The following SUMF1 variants were observed in gnomAD, a reference collection of about 807,000 sequenced individuals.
SUMF1 encodes formylglycine-generating enzyme.
In SUMF1, 48 loss-of-function variants were observed where a neutral mutation model predicts 47.6. The observed-to-expected ratio is 1.01, with a 90% CI of 0.80 to 1.28. The LOEUF (loss-of-function observed/expected upper bound fraction) is 1.28, where lower values mean the gene tolerates loss of function less well. Among genes scored for constraint, SUMF1 ranks in the 50% most tolerant of loss-of-function variants. The pLI, the probability that SUMF1 is intolerant of heterozygous loss-of-function variation, is 0.00. For synonymous variants in SUMF1, 230 were observed against 192.1 expected (o/e 1.20, Z -1.63); for missense variants, 571 against 485.4 (o/e 1.18, Z -1.66).
chr3:4,109,464 G>T (rs1200330047), intron 8 of SUMF1, among the ~76,000 whole-genome samples: 1 of 152,102 alleles, frequency 6.6e-6, no homozygotes, highest in Non-Finnish European at 1.5e-5. Flanking sequence ...GAATTTGAAT[G>T]TTGGTCTGCC....
At chr3:4,148,997 T>C (rs781721753) in intron 8 of SUMF1, among the ~76,000 whole-genome samples, 1 of 140,232 alleles carries the variant, frequency 7.1e-6, no homozygotes, top group Non-Finnish European at 1.6e-5. Flanking sequence ...TTAGTTGAAT[T>C]TATGCCCTGG....
chr3:4,169,524 C>T (rs971379706), intron 8 of SUMF1, among the ~76,000 whole-genome samples: 1 of 152,164 alleles, frequency 6.6e-6, no homozygotes, highest in Admixed American at 6.5e-5. Flanking sequence ...AAAGGATCCA[C>T]TAGAGCCTTT....
chr3:4,111,794 G>A (rs906544750), intron 8 of SUMF1, among the ~76,000 whole-genome samples: 3 of 152,094 alleles, frequency 2.0e-5, no homozygotes, highest in Non-Finnish European at 4.4e-5. Context: ...TTACGTGTAT[G>A]TATACCAAGT....
chr3:4,113,251 G>A (rs1693350849), intron 8 of SUMF1, among the ~76,000 whole-genome samples: 1 of 152,018 alleles, frequency 6.6e-6, no homozygotes, highest in East Asian at 1.9e-4. Flanking sequence ...ATTACAACCT[G>A]GGCATAGTAG....
chr3:4,087,513 CT>C (rs1692697369), intron 8 of SUMF1, among the ~76,000 whole-genome samples: 1 of 152,064 alleles, frequency 6.6e-6, no homozygotes, highest in South Asian at 2.1e-4. Context: ...AGTTCTCAAA[CT>C]TTTTGGTCTG....
At chr3:4,176,367 G>C (rs1165027193) in intron 8 of SUMF1, among the ~76,000 whole-genome samples, 1 of 152,176 alleles carries the variant, frequency 6.6e-6, no homozygotes, top group African/African-American at 2.4e-5. Flanking sequence ...AGCTAGAAGA[G>C]AGTGGGGGCC....
At chr3:4,191,171 G>C (rs574880051) in intron 8 of SUMF1, among the ~76,000 whole-genome samples, 18 of 152,262 alleles carry the variant, frequency 1.2e-4, no homozygotes, top group African/African-American at 4.3e-4. Flanking sequence ...AACTCATCTT[G>C]AGGCTGCCTT....
intron 6 of SUMF1, among the ~76,000 whole-genome samples, chr3:4,413,958 G>A (rs1202422788): frequency 1.3e-5 from 2 of 152,050 alleles, no homozygotes; most frequent in African/African-American, 4.8e-5. Context: ...CTGCCTCCTG[G>A]GTTCAAGCAA....
chr3:4,124,518 T>A (rs145718274), intron 8 of SUMF1, among the ~76,000 whole-genome samples: 48 of 152,086 alleles, frequency 3.2e-4, no homozygotes, highest in African/African-American at 1.0e-3. Flanking sequence ...CAGCAGCAGA[T>A]CACCTCTTTA....
At chr3:4,146,165 GT>G (rs2125101028) in intron 8 of SUMF1, among the ~76,000 whole-genome samples, 1 of 152,224 alleles carries the variant, frequency 6.6e-6, no homozygotes, top group East Asian at 1.9e-4. Context: ...TCGCACGTGT[GT>G]TCTGGGAGGA....
At chr3:4,440,263 A>AAAAAAAAAC (rs745740071) in intron 3 of SUMF1, among the ~76,000 whole-genome samples, 1 of 132,150 alleles carries the variant, frequency 7.6e-6, no homozygotes, top group Non-Finnish European at 1.6e-5. Flanking sequence ...AAAAAAAAAA[A>AAAAAAAAAC]AGATACTGAG....
chr3:4,067,084 G>A (rs1695396380), intron 9 of SUMF1, among the ~76,000 whole-genome samples: 1 of 152,100 alleles, frequency 6.6e-6, no homozygotes, highest in African/African-American at 2.4e-5. Flanking sequence ...TCTATACAAT[G>A]GTCCAGCTAC....
intron 3 of SUMF1, among the ~76,000 whole-genome samples, chr3:4,440,844 G>C (rs6776265): frequency 0.021 from 3,123 of 152,266 alleles, 110 homozygotes; most frequent in African/African-American, 0.072. Context: ...TGTTCCTCAA[G>C]CTCCCACCAA....
rs575407042 is a variant in SUMF1, at chr3:4,429,336, A to G, written c.520-9190T>C. ...CTCCACTTAGGTTCCTTACATTGCTAGTAGCTTACTTATAGATCTTTACAG... is the reference window on the plus strand; with the variant it reads ...CTCCACTTAGGTTCCTTACATTGCTGGTAGCTTACTTATAGATCTTTACAG... On this transcript the variant is annotated intron_variant, in intron 3 of 8. Coordinates refer to ENST00000272902, the MANE Select transcript of SUMF1 (RefSeq NM_182760.4). 2.4e-3 allele frequency among the ~76,000 whole-genome samples: 359 copies of G among 152,350 alleles called. 1 individual carries two copies. The highest frequency in any genetic ancestry group is 8.1e-3 in the African/African-American group (335 of 41,572).
chr3:4,165,202 G>A (rs542169857), intron 8 of SUMF1, among the ~76,000 whole-genome samples: 2 of 152,256 alleles, frequency 1.3e-5, no homozygotes, highest in Non-Finnish European at 2.9e-5. Flanking sequence ...AAAGGCCATG[G>A]TTTGATCTAA....
At chr3:4,317,299 G>A (rs763521792) in intron 8 of SUMF1, 16 of 1,256,826 alleles carry the variant, frequency 1.3e-5, no homozygotes, top group Middle Eastern at 1.9e-4. Context: ...GTCCAAAACC[G>A]CAGTTAGTTT....
intron 8 of SUMF1, among the ~76,000 whole-genome samples, chr3:4,073,563 C>A (rs1692339618): frequency 6.6e-6 from 1 of 152,088 alleles, no homozygotes; most frequent in Non-Finnish European, 1.5e-5. Flanking sequence ...GAGTCAAGAC[C>A]CATTGGTGTG....
intron 7 of SUMF1, among the ~76,000 whole-genome samples, chr3:4,389,294 T>A (rs1700775166): frequency 6.6e-6 from 1 of 152,128 alleles, no homozygotes; most frequent in Non-Finnish European, 1.5e-5. Context: ...CCTCTGGCCT[T>A]CATGGTCACC....
chr3:4,175,721 C>G (rs889341247), intron 8 of SUMF1, among the ~76,000 whole-genome samples: 7 of 152,104 alleles, frequency 4.6e-5, no homozygotes, highest in African/African-American at 1.4e-4. Context: ...TTCAGAAGGT[C>G]AGTAATAACA....
Sources: gnomAD v4.1 joint callset for allele counts (sites outside exome capture counted in the v4.1 genomes callset) on GRCh38, gnomAD v4.1.1 for gene constraint, MANE v1.5 for transcripts, NCBI Gene and HGNC (gene_info 2026-07-23, HGNC 2026-07-21) for gene names.